The following NLGN1 variants were observed in gnomAD, a reference collection of about 807,000 sequenced individuals.
The protein encoded by NLGN1 is neuroligin 1.
A neutral mutation model predicts 65.5 loss-of-function variants in NLGN1; 12 were observed. That is an observed-to-expected ratio of 0.18 (90% confidence interval 0.12 to 0.30). The LOEUF is 0.30. NLGN1 is among the 10% of genes least tolerant of loss of function. The probability of loss-of-function intolerance (pLI) is 1.00; values close to 1 mark genes in which losing one functional copy is unlikely to be tolerated. For synonymous variants in NLGN1, 350 were observed against 359.5 expected, an observed-to-expected ratio of 0.97 and a Z score of 0.30; for missense variants, 750 against 1,007.1, an observed-to-expected ratio of 0.74 and a Z score of 3.46.
chr3:173,654,115 G>A (rs534812360), intron 3 of NLGN1, among the ~76,000 whole-genome samples: 1 of 152,160 alleles, frequency 6.6e-6, no homozygotes, highest in East Asian at 1.9e-4. Context: ...GACAAAAACT[G>A]AATAATTATT....
intron 4 of NLGN1, among the ~76,000 whole-genome samples, chr3:173,977,418 A>T (rs772335007): frequency 1.3e-5 from 2 of 152,064 alleles, no homozygotes; most frequent in African/African-American, 2.4e-5. Flanking sequence ...TAGGTAGAGT[A>T]CAAAAAGTGA....
intron 5 of NLGN1, among the ~76,000 whole-genome samples, chr3:174,276,662 T>C (rs1023712388): frequency 1.3e-5 from 2 of 151,902 alleles, no homozygotes; most frequent in East Asian, 1.9e-4. Context: ...AATGAATCCA[T>C]GTATTTGGAG....
chr3:174,269,823 T>G (rs565437389), intron 4 of NLGN1, among the ~76,000 whole-genome samples: 1 of 152,036 alleles, frequency 6.6e-6, no homozygotes, highest in Non-Finnish European at 1.5e-5. Flanking sequence ...GTTGCAAATC[T>G]TCTACATCCT....
intron 4 of NLGN1, among the ~76,000 whole-genome samples, chr3:174,025,522 T>G (rs1728661766): frequency 6.6e-6 from 1 of 152,014 alleles, no homozygotes; most frequent in African/African-American, 2.4e-5. Context: ...AACAATAATT[T>G]TTAGGGACTC....
intron 4 of NLGN1, among the ~76,000 whole-genome samples, chr3:173,969,133 TG>T: frequency 6.6e-6 from 1 of 152,274 alleles, no homozygotes; most frequent in South Asian, 2.1e-4. Flanking sequence ...TTTTACTTAT[TG>T]TCTAAAAAAA....
chr3:173,612,877 G>A (rs1449323828), intron 3 of NLGN1, among the ~76,000 whole-genome samples: 1 of 152,032 alleles, frequency 6.6e-6, no homozygotes, highest in Non-Finnish European at 1.5e-5. Context: ...CTCTCTTTGT[G>A]TCTTATCAAT....
chr3:174,087,717 T>C (rs1743693429), intron 4 of NLGN1, among the ~76,000 whole-genome samples: 1 of 152,194 alleles, frequency 6.6e-6, no homozygotes, highest in Non-Finnish European at 1.5e-5. Flanking sequence ...TTTAGTATGT[T>C]TATATTTGCC....
intron 3 of NLGN1, among the ~76,000 whole-genome samples, chr3:173,726,574 G>A (rs912941035): frequency 1.3e-5 from 2 of 152,010 alleles, no homozygotes; most frequent in Non-Finnish European, 2.9e-5. Context: ...CTGTCTAGAA[G>A]GACAAAGCAA....
At chr3:174,217,378 G>T (rs1298624063) in intron 4 of NLGN1, among the ~76,000 whole-genome samples, 1 of 152,072 alleles carries the variant, frequency 6.6e-6, no homozygotes, top group African/African-American at 2.4e-5. Context: ...CAGCCAGCCT[G>T]CCCTGACAAA....
chr3:174,176,657 T>C (rs1729500457), intron 4 of NLGN1, among the ~76,000 whole-genome samples: 1 of 152,030 alleles, frequency 6.6e-6, no homozygotes, highest in Admixed American at 6.6e-5. Flanking sequence ...GAATGAACAG[T>C]GAATAGTAAC....
At chr3:173,527,782 A>C (rs867152016) in intron 2 of NLGN1, among the ~76,000 whole-genome samples, 15 of 152,140 alleles carry the variant, frequency 9.9e-5, no homozygotes, top group African/African-American at 2.4e-4. Context: ...CCTCTGTTAC[A>C]TGGGTAGTTT....
At chr3:174,037,504 A>G (rs1194726285) in intron 4 of NLGN1, among the ~76,000 whole-genome samples, 2 of 152,200 alleles carry the variant, frequency 1.3e-5, no homozygotes, top group Non-Finnish European at 1.5e-5. Flanking sequence ...AGCACTAGCA[A>G]TATAATATCC....
intron 3 of NLGN1, among the ~76,000 whole-genome samples, chr3:173,751,054 G>A (rs1452088030): frequency 6.6e-6 from 1 of 152,026 alleles, no homozygotes; most frequent in Non-Finnish European, 1.5e-5. Context: ...AAAAGGTCAG[G>A]TGTTTAGCCA....
chr3:173,754,566 A>C (rs2150174351), intron 3 of NLGN1, among the ~76,000 whole-genome samples: 1 of 152,164 alleles, frequency 6.6e-6, no homozygotes, highest in African/African-American at 2.4e-5. Context: ...ATTTTTGGCT[A>C]TTTGTGCTGT....
intron 4 of NLGN1, among the ~76,000 whole-genome samples, chr3:174,266,020 A>ATG (rs200553827): frequency 0.16 from 22,520 of 142,054 alleles, 2,019 homozygotes; most frequent in East Asian, 0.47. Flanking sequence ...GTGCATATAT[A>ATG]TGTGTGTGTG....
intron 4 of NLGN1, among the ~76,000 whole-genome samples, chr3:173,845,809 C>G (rs550726548): frequency 6.6e-6 from 1 of 152,030 alleles, no homozygotes; most frequent in South Asian, 2.1e-4. Context: ...TATCTTGACT[C>G]TTAGATTTTT....
intron 4 of NLGN1, among the ~76,000 whole-genome samples, chr3:173,835,005 A>T (rs1723332844): frequency 6.6e-6 from 1 of 152,202 alleles, no homozygotes; most frequent in South Asian, 2.1e-4. Context: ...TGTGCTGCCT[A>T]ATTCTGGCAA....
chr3:174,061,256 A>G (rs1370112324), intron 4 of NLGN1, among the ~76,000 whole-genome samples: 1 of 152,134 alleles, frequency 6.6e-6, no homozygotes, highest in Non-Finnish European at 1.5e-5. Context: ...TGAGGGATTC[A>G]TTATATTGAT....
intron 3 of NLGN1, among the ~76,000 whole-genome samples, chr3:173,651,203 A>T (rs73176503): frequency 6.6e-6 from 1 of 151,434 alleles, no homozygotes; most frequent in African/African-American, 2.4e-5. Flanking sequence ...GCTGTTTCTG[A>T]GTTGTTTCCT....
Sources: gnomAD v4.1 joint callset for allele counts (sites outside exome capture counted in the v4.1 genomes callset) on GRCh38, gnomAD v4.1.1 for gene constraint, MANE v1.5 for transcripts, NCBI Gene and HGNC (gene_info 2026-07-23, HGNC 2026-07-21) for gene names.